The following ARHGAP39 variants were observed in gnomAD, a reference collection of about 807,000 sequenced individuals.
The protein encoded by ARHGAP39 is Rho GTPase activating protein 39, also known as rho GTPase-activating protein 39.
A neutral mutation model predicts 106.9 loss-of-function variants in ARHGAP39; 44 were observed. That is an observed-to-expected ratio of 0.41 (90% confidence interval 0.32 to 0.53). The LOEUF is 0.53. Among genes scored for constraint, ARHGAP39 ranks in the 20% least tolerant of loss-of-function variants. ARHGAP39 has a pLI of 0.21. For synonymous variants in ARHGAP39, 768 were observed against 693.2 expected (o/e 1.11, Z -1.69); for missense variants, 1,496 against 1,577.3 (o/e 0.95, Z 0.87).
intron 6 of ARHGAP39, among the ~76,000 whole-genome samples, chr8:144,544,333 A>G (rs1200340530): frequency 1.3e-5 from 2 of 151,982 alleles, no homozygotes; most frequent in Admixed American, 1.3e-4. Context: ...CCTCCTCCAC[A>G]CCTGGGCTGG....
chr8:144,559,845 A>T (rs1017783041), intron 3 of ARHGAP39, among the ~76,000 whole-genome samples: 3 of 152,364 alleles, frequency 2.0e-5, no homozygotes, highest in Non-Finnish European at 4.4e-5. Context: ...AATTTTATAG[A>T]ATATGTTTAA....
intron 3 of ARHGAP39, among the ~76,000 whole-genome samples, chr8:144,560,775 C>T (rs768942284): frequency 2.6e-5 from 4 of 152,182 alleles, no homozygotes; most frequent in African/African-American, 4.8e-5. Context: ...AGGAGCATGA[C>T]GTCAACACTA....
chr8:144,664,216 T>C (rs1167942488), intron 1 of ARHGAP39, among the ~76,000 whole-genome samples: 1 of 152,068 alleles, frequency 6.6e-6, no homozygotes, highest in Admixed American at 6.6e-5. Flanking sequence ...TATTTCCAGA[T>C]TCCAACAGCC....
At position 144,604,791 on chromosome 8, in the gene ARHGAP39, G is replaced by A. The variant is rs972188775; in HGVS notation, c.80+744C>T. 3.9e-5 allele frequency among the ~76,000 whole-genome samples: 6 copies of A among 152,170 alleles called. No homozygotes were observed. Among genetic ancestry groups the A allele is most frequent in the Non-Finnish European group, 8.8e-5 (6 of 68,040 alleles). ...TTACTTGTGGTAACAAGCGTCCTGG[G>A]CTACCTGGAAGACGTCCTGAGGGAG... is the stretch of plus-strand genomic sequence containing the variant. On this transcript the variant is annotated intron_variant, in intron 2 of 11. Coordinates refer to ENST00000377307, the MANE Select transcript of ARHGAP39 (RefSeq NM_025251.3). This position sits in a 1 kb window ranked among gnomAD's most constrained non-coding sequence, Gnocchi z 4.1.
chr8:144,676,715 C>T lies in ARHGAP39; in HGVS notation c.-82+8971G>A, dbSNP rs191098262. Among the ~76,000 whole-genome samples, 254 of 152,360 alleles carry T rather than the reference C, an allele frequency of 1.7e-3. 1 individual carries two copies. The highest frequency in any genetic ancestry group is 2.6e-3 in the Non-Finnish European group (176 of 68,022). On this transcript the variant is annotated intron_variant, in intron 1 of 11. Coordinates refer to ENST00000377307, the MANE Select transcript of ARHGAP39 (RefSeq NM_025251.3). ...CTCGTCCCAGATCAAGCCCAGCAGG[C>T]GCCAGCCACAGCACCGGCTCCCGCC... is the stretch of plus-strand genomic sequence containing the variant.
intron 6 of ARHGAP39, 87 bp downstream of exon 6, chr8:144,545,162 G>T: frequency 1.6e-6 from 2 of 1,277,772 alleles, no homozygotes; most frequent in Non-Finnish European, 2.1e-6. Flanking sequence ...GGGCCGCCAG[G>T]GACTTCACCA....
the ARHGAP39 span, among the ~76,000 whole-genome samples, chr8:144,693,658 C>A: frequency 6.6e-6 from 1 of 152,236 alleles, no homozygotes; most frequent in African/African-American, 2.4e-5. Context: ...CAGGCGTGAG[C>A]CACCGCGCCC....
At chr8:144,579,372 C>T (rs971383377) in intron 3 of ARHGAP39, among the ~76,000 whole-genome samples, 2 of 152,018 alleles carry the variant, frequency 1.3e-5, no homozygotes, top group Non-Finnish European at 2.9e-5. Context: ...AACTTTGAAC[C>T]CTCATATTTG....
rs1031501414 is a variant in ARHGAP39 at position 144,555,466 on chromosome 8, C to G, written c.596+94G>C. On this transcript the variant is annotated intron_variant, in intron 4 of 11. Transcript: ENST00000377307. ...CAGCTCTGGGTCTGTGGTGTTGCTG[C>G]TACGCGCCAGGCACCTCCCACTTGC... The G allele has an allele frequency of 4.6e-5, 51 of 1,102,078 alleles. 1 individual carries two copies. The highest frequency in any genetic ancestry group is 4.6e-4 in the Admixed American group (27 of 58,768). 68.3% of individuals were successfully genotyped at this position (1,102,078 alleles called of 1,614,324 possible). A position where few individuals can be genotyped will look rare whatever the true frequency, so the allele number is the denominator to read the frequency against.
Position 144,580,715 on chromosome 8 carries a change from A to G in ARHGAP39, c.512+131T>C, listed in dbSNP as rs1219786661. On this transcript the variant is annotated intron_variant, in intron 3 of 11. Coordinates refer to ENST00000377307, the MANE Select transcript of ARHGAP39 (RefSeq NM_025251.3). ...GCCCACCATACCCGACCTACTCCTA[A>G]CCTGGCCCCGCCCACCACCTTCACC... The G allele has an allele frequency of 1.4e-4, 160 of 1,170,806 alleles. No individual in the cohort carries two copies. In the East Asian group the frequency reaches 4.2e-3, roughly 30 times the overall value. 72.5% of individuals were successfully genotyped at this position (1,170,806 alleles called of 1,614,324 possible).
Position 144,677,257 on chromosome 8 carries a change from A to G in ARHGAP39, c.-82+8429T>C, listed in dbSNP as rs1316146996. Reference sequence around the variant, plus strand: ...TGGACAAGCTTCTGCGTGGACGTGTATATTTCCAGTCACTCAACCAAAAGA... The same window carrying G: ...TGGACAAGCTTCTGCGTGGACGTGTGTATTTCCAGTCACTCAACCAAAAGA... On this transcript the variant is annotated intron_variant, in intron 1 of 11. Transcript: ENST00000377307. Among the ~76,000 whole-genome samples, 4 of 152,364 alleles carry G rather than the reference A, an allele frequency of 2.6e-5. No homozygotes were observed. The East Asian group carries it at 7.7e-4, about 29-fold the overall frequency.
intron 1 of ARHGAP39, among the ~76,000 whole-genome samples, chr8:144,685,033 G>A (rs536655347): frequency 7.2e-5 from 11 of 152,260 alleles, no homozygotes; most frequent in Non-Finnish European, 1.3e-4. Context: ...CCGGGAATGC[G>A]GCCGGTGCCC....
At chr8:144,648,794 C>T (rs1821505759) in intron 1 of ARHGAP39, among the ~76,000 whole-genome samples, 1 of 152,066 alleles carries the variant, frequency 6.6e-6, no homozygotes, top group Non-Finnish European at 1.5e-5. Flanking sequence ...CAAGAAGTTC[C>T]TTGAAACTAA....
At chr8:144,545,143 C>T (rs1299986792) in intron 6 of ARHGAP39, 106 bp downstream of exon 6, 21 of 1,108,456 alleles carry the variant, frequency 1.9e-5, no homozygotes, top group Non-Finnish European at 2.5e-5. Context: ...AACCATGGCC[C>T]TGTGTGGAGG....
chr8:144,651,166 A>G (rs1821564090), intron 1 of ARHGAP39, among the ~76,000 whole-genome samples: 1 of 152,158 alleles, frequency 6.6e-6, no homozygotes, highest in African/African-American at 2.4e-5. Flanking sequence ...ATGCCACAAA[A>G]AGAATAAAAT....
chr8:144,567,642 C>T (rs1450733978), intron 3 of ARHGAP39, among the ~76,000 whole-genome samples: 1 of 152,228 alleles, frequency 6.6e-6, no homozygotes, highest in East Asian at 1.9e-4. Context: ...AGTCCACCTT[C>T]ATGTTCCATC....
chr8:144,659,832 G>A (rs529199009), intron 1 of ARHGAP39, among the ~76,000 whole-genome samples: 5 of 152,150 alleles, frequency 3.3e-5, no homozygotes, highest in South Asian at 4.2e-4. Context: ...ACTGTGGGAC[G>A]CCCCAAGATG....
At chr8:144,626,840 T>G (rs1412714418) in intron 1 of ARHGAP39, among the ~76,000 whole-genome samples, 1 of 152,132 alleles carries the variant, frequency 6.6e-6, no homozygotes, top group Non-Finnish European at 1.5e-5. Flanking sequence ...CTCCTGACAC[T>G]TGAGTGGGGC....
At chr8:144,690,068 C>T (rs1358269283), upstream of ARHGAP39, among the ~76,000 whole-genome samples, 1 of 151,716 alleles carries the variant, frequency 6.6e-6, no homozygotes, top group African/African-American at 2.4e-5. Context: ...TTTTGAGAAA[C>T]CACCGAACTC....
Sources: allele counts gnomAD v4.1 joint callset (sites outside exome capture counted in the v4.1 genomes callset), GRCh38; gene constraint gnomAD v4.1.1; non-coding constraint Gnocchi (gnomAD v3.1); transcripts MANE v1.5; gene names NCBI Gene and HGNC (gene_info 2026-07-23, HGNC 2026-07-21).